Variants in KPNA6 observed in about 807,000 individuals in gnomAD.
The protein encoded by KPNA6 is karyopherin subunit alpha 6.
KPNA6 carries 9 observed loss-of-function variants against 72.0 expected under a neutral mutation model. The ratio of observed to expected loss-of-function variants is 0.13; its 90% CI spans 0.08 to 0.22. The LOEUF is 0.22. KPNA6 is among the 10% of genes least tolerant of loss of function. KPNA6 has a pLI of 1.00. For missense variants in KPNA6, 374 were observed against 655.7 expected (o/e 0.57, Z 4.69); for synonymous variants, 219 against 242.1 (o/e 0.90, Z 0.89).
intron 1 of KPNA6, among the ~76,000 whole-genome samples, chr1:32,135,498 ATTT>A (rs554428967): frequency 3.2e-5 from 4 of 125,558 alleles, no homozygotes; most frequent in Non-Finnish European, 3.4e-5. Context: ...ATGCTTGGCC[ATTT>A]TTTTTTTTTT....
chr1:32,132,669 C>T (rs558402944), intron 1 of KPNA6, among the ~76,000 whole-genome samples: 90 of 151,950 alleles, frequency 5.9e-4, no homozygotes, highest in Non-Finnish European at 1.1e-3. Context: ...TTTGGGAGGC[C>T]GAGGCGGGCA....
At chr1:32,168,189 G>GAA (rs1301178591) in intron 12 of KPNA6, among the ~76,000 whole-genome samples, 2 of 152,240 alleles carry the variant, frequency 1.3e-5, no homozygotes, top group Non-Finnish European at 2.9e-5. Context: ...CAGCTTCTTT[G>GAA]AGAAATTAAT....
chr1:32,132,179 C>T (rs1284797493), intron 1 of KPNA6, among the ~76,000 whole-genome samples: 1 of 152,106 alleles, frequency 6.6e-6, no homozygotes, highest in Non-Finnish European at 1.5e-5. Context: ...CCATGTTGTC[C>T]AGGCTGGTCT....
At chr1:32,111,983 C>G (rs890500455) in intron 1 of KPNA6, among the ~76,000 whole-genome samples, 5 of 152,142 alleles carry the variant, frequency 3.3e-5, no homozygotes, top group Non-Finnish European at 7.4e-5. Context: ...TCTGGCCACC[C>G]TTCCTTACCC....
intron 1 of KPNA6, among the ~76,000 whole-genome samples, chr1:32,129,114 C>T (rs1008693809): frequency 6.6e-6 from 1 of 151,702 alleles, no homozygotes; most frequent in Non-Finnish European, 1.5e-5. Context: ...ATATTTCCCT[C>T]CCTCTCTCTC....
chr1:32,150,144 T>C (rs1324715226), intron 1 of KPNA6, among the ~76,000 whole-genome samples: 1 of 147,808 alleles, frequency 6.8e-6, no homozygotes, highest in Non-Finnish European at 1.5e-5. Context: ...TTTTTTTTTT[T>C]TTTTTTGAGA....
chr1:32,126,281 C>T (rs1329472221), intron 1 of KPNA6, among the ~76,000 whole-genome samples: 1 of 148,368 alleles, frequency 6.7e-6, no homozygotes, highest in Non-Finnish European at 1.5e-5. Context: ...GAAGAAGATG[C>T]TTCCCCACCC....
intron 1 of KPNA6, among the ~76,000 whole-genome samples, chr1:32,130,222 ATTTT>A (rs55953899): frequency 6.8e-5 from 7 of 103,126 alleles, no homozygotes; most frequent in Admixed American, 2.1e-4. Context: ...GTAGATAAAT[ATTTT>A]TTTTTTTTTT....
At position 32,171,327 on chromosome 1, in the gene KPNA6, T is replaced by C. The variant is rs116470604; in HGVS notation, c.*433T>C. 782 of 157,416 alleles carry C rather than the reference T, an allele frequency of 5.0e-3. 8 individuals carry two copies. Among genetic ancestry groups the C allele is most frequent in the African/African-American group, 0.018 (738 of 41,586 alleles). The allele number at this position is 157,416 out of a possible 1,614,324, so 9.8% of individuals were successfully genotyped here. A position where few individuals can be genotyped will look rare whatever the true frequency, so the allele number is the denominator to read the frequency against. ...TCTGCCCTGATCTGTGTAACTCTTA[T>C]CTTGGGTACTTGAGCAGACGGTATA... On this transcript the variant is annotated 3_prime_UTR_variant, in exon 14 of 14. Transcript: ENST00000373625.
intron 2 of KPNA6, 65 bp from the exon 3 acceptor site, chr1:32,156,788 A>T (rs919467124): frequency 8.0e-7 from 1 of 1,247,584 alleles, no homozygotes; most frequent in African/African-American, 1.5e-5. Context: ...ATAATTTAAC[A>T]TTGGATTGTT....
At chr1:32,117,664 C>T (rs746785978) in intron 1 of KPNA6, among the ~76,000 whole-genome samples, 3 of 152,010 alleles carry the variant, frequency 2.0e-5, no homozygotes, top group South Asian at 2.1e-4. Flanking sequence ...CACACAGTAT[C>T]GGTGAATCAC....
In KPNA6 at chr1:32,160,682, C is replaced by G; in HGVS notation, c.626C>G (p.Ser209Cys). The stretch of plus-strand genomic sequence containing the variant: ...TGCCGAGATTACGTCTTGAACTGTT[C>G]CATCCTTAATCCTTTGTTAACGTGA... ...SVCRDYVLNC[S>C]ILNPLLTLLT... The change falls in exon 7 of 14, where the codon TCC (serine) becomes TGC (cysteine). Residue 209 changes from serine (S) to cysteine (C), a missense_variant. By Grantham distance (112) the Ser-to-Cys change is moderately radical. Coordinates refer to ENST00000373625, the MANE Select transcript of KPNA6 (RefSeq NM_012316.5). 1.9e-6 allele frequency: 3 copies of G among 1,613,678 alleles called. No homozygotes were observed. The highest frequency in any genetic ancestry group is 1.1e-5 in the South Asian group (1 of 91,064).
chr1:32,170,981 C>T lies in KPNA6; in HGVS notation c.*87C>T. On this transcript the variant is annotated 3_prime_UTR_variant, in exon 14 of 14. Coordinates refer to ENST00000373625, the MANE Select transcript of KPNA6 (RefSeq NM_012316.5). ...CTGGTGGGCGGGAAACCAGTGTCCC[C>T]ACCATCAGCCACCACACACCTCTGC... 1 of 1,116,296 alleles carries T rather than the reference C, an allele frequency of 9.0e-7. No homozygotes were observed. The highest frequency in any genetic ancestry group is 1.3e-6 in the Non-Finnish European group (1 of 754,338). 69.1% of individuals were successfully genotyped at this position (1,116,296 alleles called of 1,614,324 possible).
At chr1:32,138,281 A>T (rs1330212130) in intron 1 of KPNA6, among the ~76,000 whole-genome samples, 1 of 152,010 alleles carries the variant, frequency 6.6e-6, no homozygotes, top group Non-Finnish European at 1.5e-5. Flanking sequence ...GCGGTGGCTC[A>T]TGACTGTCAA....
intron 1 of KPNA6, among the ~76,000 whole-genome samples, chr1:32,141,794 A>G (rs548269292): frequency 6.6e-6 from 1 of 152,270 alleles, no homozygotes; most frequent in East Asian, 1.9e-4. Context: ...TCTAAAGACA[A>G]GGCTTAATTA....
At chr1:32,143,129 C>G (rs1641869775) in intron 1 of KPNA6, 2 of 596,948 alleles carry the variant, frequency 3.4e-6, no homozygotes, top group Non-Finnish European at 5.6e-6. Flanking sequence ...GAGGTGCAGA[C>G]ACAGCTCACT....
Position 32,174,668 on chromosome 1 carries a change from A to C in KPNA6, c.*3774A>C, listed in dbSNP as rs1642496411. On this transcript the variant is annotated 3_prime_UTR_variant, in exon 14 of 14. Transcript: ENST00000373625. ...GTTCAGATTCCAGACTCTCAGCTGAAGACAGGGAGCCAATTTCCCCCAGGT... is the reference window on the plus strand; with the variant it reads ...GTTCAGATTCCAGACTCTCAGCTGACGACAGGGAGCCAATTTCCCCCAGGT... 1 of 152,182 alleles carries C rather than the reference A, an allele frequency of 6.6e-6. No individual in the cohort carries two copies. The highest frequency in any genetic ancestry group is 2.1e-4 in the South Asian group (1 of 4,824). 9.4% of individuals were successfully genotyped at this position (152,182 alleles called of 1,614,324 possible). A position where few individuals can be genotyped will look rare whatever the true frequency, so the allele number is the denominator to read the frequency against.
intron 12 of KPNA6, among the ~76,000 whole-genome samples, chr1:32,168,546 T>TA (rs910104026): frequency 6.6e-6 from 1 of 152,242 alleles, no homozygotes; most frequent in Non-Finnish European, 1.5e-5. Context: ...TGGGAATAGT[T>TA]AAGTGTTTTG....
At chr1:32,127,913 A>G (rs1641562281) in intron 1 of KPNA6, among the ~76,000 whole-genome samples, 1 of 152,208 alleles carries the variant, frequency 6.6e-6, no homozygotes, top group Non-Finnish European at 1.5e-5. Context: ...TCCTGAAGGT[A>G]GAAACAATTA....
Sources: gnomAD v4.1 joint callset for allele counts (sites outside exome capture counted in the v4.1 genomes callset) on GRCh38, gnomAD v4.1.1 for gene constraint, MANE v1.5 for transcripts, NCBI Gene and HGNC (gene_info 2026-07-23, HGNC 2026-07-21) for gene names.